The following ZNF141 variants were observed in gnomAD, a reference collection of about 807,000 sequenced individuals.
ZNF141 encodes the protein zinc finger protein 141, also known as zinc finger protein 141 (clone pHZ-44).
A neutral mutation model predicts 11.3 loss-of-function variants in ZNF141; 7 were observed. The ratio of observed to expected loss-of-function variants is 0.62; its 90% confidence interval spans 0.35 to 1.16. ZNF141 has a LOEUF of 1.16. Ranked by LOEUF, ZNF141 falls within the 50% of genes most tolerant of loss-of-function variation. ZNF141 has a pLI of 0.02. For synonymous variants in ZNF141, 183 were observed against 190.7 expected, an observed-to-expected ratio of 0.96 and a Z score of 0.33; for missense variants, 535 against 554.0, an observed-to-expected ratio of 0.97 and a Z score of 0.34.
intron 1 of ZNF141, among the ~76,000 whole-genome samples, chr4:339,367 C>G (rs1720942328): frequency 1.3e-5 from 2 of 152,226 alleles, no homozygotes; most frequent in Non-Finnish European, 2.9e-5. Context: ...CAAACCAGTC[C>G]TTTCGTCAAT....
intron 3 of ZNF141, among the ~76,000 whole-genome samples, chr4:363,940 T>C (rs1429888028): frequency 6.6e-6 from 1 of 152,028 alleles, no homozygotes; most frequent in Admixed American, 6.6e-5. Flanking sequence ...CTGCATCTAT[T>C]GAGACAATCA....
chr4:369,764 A>ATATATATATATTTT, intron 3 of ZNF141, among the ~76,000 whole-genome samples: 1 of 48,724 alleles, frequency 2.1e-5, no homozygotes, highest in African/African-American at 1.7e-4. Flanking sequence ...ATATATATAT[A>ATATATATATATTTT]TTTTTTTTTT....
At chr4:359,206 G>C (rs1313644961) in intron 3 of ZNF141, among the ~76,000 whole-genome samples, 4 of 152,128 alleles carry the variant, frequency 2.6e-5, no homozygotes, top group African/African-American at 9.7e-5. Context: ...ATGCTTGGCA[G>C]ACCTGTTATT....
intron 3 of ZNF141, among the ~76,000 whole-genome samples, chr4:350,916 C>CT (rs35754231): frequency 0.011 from 1,579 of 140,182 alleles, 18 homozygotes; most frequent in African/African-American, 0.035. Flanking sequence ...ATTTTTTGTA[C>CT]TTTTTTTTTT....
chr4:351,492 G>C (rs1721601851), intron 3 of ZNF141, among the ~76,000 whole-genome samples: 1 of 152,154 alleles, frequency 6.6e-6, no homozygotes, highest in Non-Finnish European at 1.5e-5. Flanking sequence ...CAAAAGTGCT[G>C]AGATTACAGG....
chr4:342,936 A>G, intron 1 of ZNF141: 4 of 1,547,792 alleles, frequency 2.6e-6, no homozygotes, highest in Non-Finnish European at 3.6e-6. Context: ...GATCTACTTC[A>G]ATTATCTCCT....
At position 377,380 on chromosome 4, in the gene ZNF141, A is replaced by G. The variant is rs1257380248; in HGVS notation, c.*3518A>G. The stretch of plus-strand genomic sequence containing the variant: ...GGCGAACAAATGGCATTAATTGTGC[A>G]TGTGGAGAGGACGTCTGTTCTCAGG... On this transcript the variant is annotated 3_prime_UTR_variant, in exon 4 of 4. Transcript: ENST00000240499. Among the ~76,000 whole-genome samples, 3 of 152,250 alleles carry G rather than the reference A, an allele frequency of 2.0e-5. No individual in the cohort carries two copies. Among genetic ancestry groups the G allele is most frequent in the Non-Finnish European group, 2.9e-5 (2 of 68,048 alleles).
At chr4:369,422 A>G (rs1473367579) in intron 3 of ZNF141, among the ~76,000 whole-genome samples, 1 of 151,916 alleles carries the variant, frequency 6.6e-6, no homozygotes, top group African/African-American at 2.4e-5. Context: ...TCCTTTAATC[A>G]TTAGACCTCA....
intron 3 of ZNF141, among the ~76,000 whole-genome samples, chr4:370,420 T>G (rs1298750210): frequency 6.6e-6 from 1 of 152,196 alleles, no homozygotes; most frequent in Non-Finnish European, 1.5e-5. Flanking sequence ...GTTGTGCTAA[T>G]ATACTTTTCA....
At chr4:358,179 C>T (rs1408819211) in intron 3 of ZNF141, 13 of 382,080 alleles carry the variant, frequency 3.4e-5, no homozygotes, top group Non-Finnish European at 5.0e-5. Flanking sequence ...TTAAGTTTCT[C>T]GTTCTTTTTT....
In ZNF141 at chr4:382,934, T is replaced by C. The variant is rs550041008; in HGVS notation, c.*9072T>C. On this transcript the variant is annotated 3_prime_UTR_variant, in exon 4 of 4. Transcript: ENST00000240499. ...AAACAGCAATTTGAAAAATTTCTTA[T>C]TGTATTCATGTCCTTGGAAATGGCT... The C allele has an allele frequency of 1.9e-5, 9 of 476,118 alleles. No individual in the cohort carries two copies. Among genetic ancestry groups the C allele is most frequent in the South Asian group, 1.2e-4 (3 of 25,712 alleles). 29.5% of individuals were successfully genotyped at this position (476,118 alleles called of 1,614,324 possible).
chr4:374,447 G>T lies in ZNF141; in HGVS notation c.*585G>T, dbSNP rs6815258. The T allele has an allele frequency of 5.5e-3, 1,956 of 353,482 alleles. 29 individuals carry two copies. Among genetic ancestry groups the T allele is most frequent in the African/African-American group, 0.038 (1,802 of 47,614 alleles). 21.9% of individuals were successfully genotyped at this position (353,482 alleles called of 1,614,324 possible). A position where few individuals can be genotyped will look rare whatever the true frequency, so the allele number is the denominator to read the frequency against. ...AACATAAGAGAATTTATACCAGAGAGAAACCCTACACATGTAAAGAATGTG... is the reference window on the plus strand; with the variant it reads ...AACATAAGAGAATTTATACCAGAGATAAACCCTACACATGTAAAGAATGTG... On this transcript the variant is annotated 3_prime_UTR_variant, in exon 4 of 4. Transcript: ENST00000240499.
In ZNF141 at chr4:337,971, C is replaced by A; in HGVS notation, c.-13C>A. The A allele has an allele frequency of 1.2e-6, 2 of 1,613,248 alleles. No individual in the cohort carries two copies. The highest frequency in any genetic ancestry group is 1.7e-6 in the Non-Finnish European group (2 of 1,179,440). On this transcript the variant is annotated 5_prime_UTR_variant, in exon 1 of 4. Coordinates refer to ENST00000240499, the MANE Select transcript of ZNF141 (RefSeq NM_003441.4). ...TGGTAGCTAAGACTCCCGAATACTT[C>A]AGAAGTGGGGAAATGGTGAGTGTGC...
chr4:342,817 C>G (rs1553848722), intron 1 of ZNF141: 2 of 1,606,042 alleles, frequency 1.2e-6, no homozygotes, highest in Non-Finnish European at 1.7e-6. Context: ...AGAAAAAATT[C>G]AAACAGGTCC....
chr4:344,273 A>G (rs1299874758), intron 2 of ZNF141, 62 bp from the exon 3 acceptor site: 2 of 1,376,316 alleles, frequency 1.5e-6, no homozygotes, highest in African/African-American at 1.4e-5. Context: ...GCGTAGTACT[A>G]GGTTGGTAAT....
chr4:349,542 C>T (rs1310525282), intron 3 of ZNF141, among the ~76,000 whole-genome samples: 1 of 152,060 alleles, frequency 6.6e-6, no homozygotes, highest in Non-Finnish European at 1.5e-5. Context: ...AAGTCTTGTC[C>T]CCGGCTGTGG....
In ZNF141 at chr4:384,855, T is replaced by C. The variant is rs556790807; in HGVS notation, c.*10993T>C. The C allele has an allele frequency of 6.6e-6, 1 of 152,392 alleles. No individual in the cohort carries two copies. The highest frequency in any genetic ancestry group is 2.1e-4 in the South Asian group (1 of 4,832). 9.4% of individuals were successfully genotyped at this position (152,392 alleles called of 1,614,324 possible). On this transcript the variant is annotated 3_prime_UTR_variant, in exon 4 of 4. Transcript: ENST00000240499. ...CTTTCCTTTTGCTTAATAAATCCTA[T>C]TCTGCTTTATTCACTCTCTGATGTC...
In ZNF141 at chr4:372,664, C is replaced by T. The variant is rs782060749; in HGVS notation, c.227C>T (p.Ala76Val). The part of the protein sequence containing the change: ...KIHKIVARPP[A>V]MCSHFTQDHW... ...AATTTGTAATTTTTATTTCTTTCAG[C>T]TATGTGTTCTCATTTCACCCAAGAC... The change falls in exon 4 of 4, where the codon GCT becomes GTT. Residue 76 changes from alanine (A) to valine (V), a missense_variant and splice_region_variant. Ala to Val is a moderately conservative substitution (Grantham distance 64). Coordinates refer to ENST00000240499, the MANE Select transcript of ZNF141 (RefSeq NM_003441.4). 3 of 1,503,216 alleles carry T rather than the reference C, an allele frequency of 2.0e-6. No homozygotes were observed. The South Asian group carries it at 4.2e-5, about 21-fold the overall frequency. 93.1% of individuals were successfully genotyped at this position (1,503,216 alleles called of 1,614,324 possible).
chr4:342,898 A>C, intron 1 of ZNF141: 1 of 1,599,542 alleles, frequency 6.3e-7, no homozygotes, highest in Non-Finnish European at 8.6e-7. Flanking sequence ...GCCGAAGTCC[A>C]AAAGCTTCAG....
Sources: gnomAD v4.1 joint callset for allele counts (sites outside exome capture counted in the v4.1 genomes callset) on GRCh38, gnomAD v4.1.1 for gene constraint, MANE v1.5 for transcripts, NCBI Gene and HGNC (gene_info 2026-07-23, HGNC 2026-07-21) for gene names.